Variants in TNFRSF19 observed in about 807,000 individuals in gnomAD.
The protein encoded by TNFRSF19 is TNF receptor superfamily member 19, also known as tumor necrosis factor receptor superfamily member 19.
TNFRSF19 carries 27 observed loss-of-function variants against 46.4 expected under a neutral mutation model. That is an observed-to-expected ratio of 0.58 (90% CI 0.43 to 0.80). The LOEUF (loss-of-function observed/expected upper bound fraction) is 0.80, where lower values mean the gene tolerates loss of function less well. Ranked by LOEUF, TNFRSF19 falls within the 30% of genes least tolerant of loss-of-function variation. TNFRSF19 has a pLI of 0.00. For missense variants in TNFRSF19, 511 were observed against 530.8 expected (o/e 0.96, Z 0.37); for synonymous variants, 204 against 205.0 (o/e 1.00, Z 0.04).
intron 3 of TNFRSF19, 152 bp downstream of exon 3, chr13:23,593,607 CTTT>C (rs1390533592): frequency 9.7e-5 from 61 of 626,804 alleles, no homozygotes; most frequent in Non-Finnish European, 1.5e-4. Flanking sequence ...CATACAATTC[CTTT>C]TTTAATACTT....
chr13:23,642,568 G>T (rs1444462141), intron 5 of TNFRSF19, among the ~76,000 whole-genome samples: 5 of 152,206 alleles, frequency 3.3e-5, no homozygotes, highest in African/African-American at 9.6e-5. Context: ...AACCCAGACT[G>T]TTGGCTGCAA....
In TNFRSF19 at chr13:23,673,403, A is replaced by G. The variant is rs773426026; in HGVS notation, c.*23A>G. 3 of 1,602,116 alleles carry G rather than the reference A, an allele frequency of 1.9e-6. No individual in the cohort carries two copies. The East Asian group carries it at 6.7e-5, about 36-fold the overall frequency. On this transcript the variant is annotated 3_prime_UTR_variant, in exon 10 of 10. Transcript: ENST00000248484. The stretch of plus-strand genomic sequence containing the variant: ...TAAAGAACCTGCTTCTTTCTGCAGT[A>G]GAAGCGTGTGCTGGAACCCAAAGAG...
intron 5 of TNFRSF19, among the ~76,000 whole-genome samples, chr13:23,651,721 G>C (rs1233981423): frequency 6.6e-6 from 1 of 151,780 alleles, no homozygotes; most frequent in East Asian, 1.9e-4. Context: ...AAACAGGTTG[G>C]ATTTGTAAAG....
chr13:23,594,924 A>AGCAGTCTTTGCTGTTCT (rs1879605776), intron 3 of TNFRSF19, among the ~76,000 whole-genome samples: 1 of 152,226 alleles, frequency 6.6e-6, no homozygotes, highest in Admixed American at 6.5e-5. Flanking sequence ...AGGAACAGGC[A>AGCAGTCTTTGCTGTTCT]GCAGTCTTTG....
At position 23,675,271 on chromosome 13, in the gene TNFRSF19, C is replaced by A; in HGVS notation, c.*1891C>A. 1 of 151,616 alleles carries A rather than the reference C, an allele frequency of 6.6e-6. No individual in the cohort carries two copies. Among genetic ancestry groups the A allele is most frequent in the South Asian group, 2.1e-4 (1 of 4,818 alleles). 9.4% of individuals were successfully genotyped at this position (151,616 alleles called of 1,614,324 possible). A position where few individuals can be genotyped will look rare whatever the true frequency, so the allele number is the denominator to read the frequency against. ...TGGTCTGTTTGCATTTCTGTTATGA[C>A]AGAGAGATGATGTTTGCATTTCTGT... On this transcript the variant is annotated 3_prime_UTR_variant, in exon 10 of 10. Transcript: ENST00000248484.
intron 3 of TNFRSF19, among the ~76,000 whole-genome samples, chr13:23,598,244 C>T (rs527511487): frequency 1.3e-5 from 2 of 151,938 alleles, no homozygotes; most frequent in South Asian, 2.1e-4. Context: ...ATGGGGTGGG[C>T]GACAAGGGGA....
At position 23,660,576 on chromosome 13, in the gene TNFRSF19, C is replaced by T; in HGVS notation, c.736+86C>T. 5 of 1,471,036 alleles carry T rather than the reference C, an allele frequency of 3.4e-6. No homozygotes were observed. The Admixed American group carries it at 1.1e-4, about 32-fold the overall frequency. The allele number at this position is 1,471,036 out of a possible 1,614,324, so 91.1% of individuals were successfully genotyped here. A position where few individuals can be genotyped will look rare whatever the true frequency, so the allele number is the denominator to read the frequency against. On this transcript the variant is annotated intron_variant, in intron 7 of 9. Transcript: ENST00000248484. ...AGAATTGGTCCTGGTTTATTCACCT[C>T]ACAGCGAGGTGGCTGTGTTGAGTCT...
chr13:23,661,678 T>C (rs927075464), intron 7 of TNFRSF19, among the ~76,000 whole-genome samples: 3 of 152,234 alleles, frequency 2.0e-5, no homozygotes, highest in African/African-American at 7.2e-5. Context: ...AAGCATTCCC[T>C]TTACTCTGCA....
intron 3 of TNFRSF19, among the ~76,000 whole-genome samples, chr13:23,594,703 G>A (rs1382938864): frequency 5.9e-5 from 9 of 152,320 alleles, no homozygotes; most frequent in East Asian, 3.9e-4. Flanking sequence ...AGACTTAAAC[G>A]TTCCTGCCTG....
intron 5 of TNFRSF19, among the ~76,000 whole-genome samples, chr13:23,656,438 A>T (rs918892268): frequency 1.3e-5 from 2 of 152,216 alleles, no homozygotes; most frequent in South Asian, 2.1e-4. Flanking sequence ...CGAATGTATT[A>T]TAGAAGGATT....
At chr13:23,638,501 T>C (rs1244301845) in intron 5 of TNFRSF19, among the ~76,000 whole-genome samples, 1 of 152,206 alleles carries the variant, frequency 6.6e-6, no homozygotes, top group Non-Finnish European at 1.5e-5. Context: ...TCGGTCTTCT[T>C]TTCTTTTACT....
chr13:23,650,301 A>G (rs1232158594), intron 5 of TNFRSF19, among the ~76,000 whole-genome samples: 1 of 152,266 alleles, frequency 6.6e-6, no homozygotes, highest in Non-Finnish European at 1.5e-5. Context: ...ATGAGTGTGC[A>G]TAGCAGCACT....
intron 1 of TNFRSF19, among the ~76,000 whole-genome samples, chr13:23,586,917 T>C (rs1194533464): frequency 6.6e-6 from 1 of 152,018 alleles, no homozygotes; most frequent in Non-Finnish European, 1.5e-5. Flanking sequence ...ATTAGTCTTC[T>C]CCCTAGTGCT....
At chr13:23,597,665 G>GT (rs1879836073) in intron 3 of TNFRSF19, among the ~76,000 whole-genome samples, 1 of 152,092 alleles carries the variant, frequency 6.6e-6, no homozygotes, top group Non-Finnish European at 1.5e-5. Flanking sequence ...TTCTACCAGA[G>GT]GTACAAAGAG....
At position 23,616,038 on chromosome 13, in the gene TNFRSF19, T is replaced by C; in HGVS notation, c.352T>C (p.Leu118=). 2 of 1,590,486 alleles carry C rather than the reference T, an allele frequency of 1.3e-6. No homozygotes were observed. Among genetic ancestry groups the C allele is most frequent in the East Asian group, 4.5e-5 (2 of 44,444 alleles). ...CAGTGATGCCATCTGCGGGGACTGC[T>C]TGCCAGGGTGAGTTGGCCAGTTTCT... ...ATSDAICGDC[L]PGFYRKTKLV... The change falls in exon 4 of 10, where the codon TTG becomes CTG. Residue 118 remains leucine, a synonymous_variant. Transcript: ENST00000248484.
intron 3 of TNFRSF19, among the ~76,000 whole-genome samples, chr13:23,596,734 G>A (rs564278715): frequency 1.3e-5 from 2 of 152,202 alleles, no homozygotes; most frequent in African/African-American, 4.8e-5. Context: ...ACCAAACTCA[G>A]CTCTGGATCA....
At chr13:23,654,221 G>C (rs767668497) in intron 5 of TNFRSF19, among the ~76,000 whole-genome samples, 1 of 152,176 alleles carries the variant, frequency 6.6e-6, no homozygotes, top group Non-Finnish European at 1.5e-5. Context: ...AAGTTGGAGA[G>C]GTTAAGCAAG....
chr13:23,622,622 C>T (rs934939197), intron 4 of TNFRSF19, among the ~76,000 whole-genome samples: 1 of 152,206 alleles, frequency 6.6e-6, no homozygotes, highest in South Asian at 2.1e-4. Flanking sequence ...TAAGTAGTGT[C>T]TATGCTTGAT....
intron 5 of TNFRSF19, among the ~76,000 whole-genome samples, chr13:23,653,679 C>G (rs955309761): frequency 6.6e-6 from 1 of 152,138 alleles, no homozygotes; most frequent in East Asian, 1.9e-4. Flanking sequence ...GTTGGGGGCA[C>G]GTGCTTTGGA....
Sources: gnomAD v4.1 joint callset for allele counts (sites outside exome capture counted in the v4.1 genomes callset) on GRCh38, gnomAD v4.1.1 for gene constraint, MANE v1.5 for transcripts, NCBI Gene and HGNC (gene_info 2026-07-23, HGNC 2026-07-21) for gene names.